Variants in GPI observed in about 807,000 individuals in gnomAD.
GPI encodes glucose-6-phosphate isomerase.
A neutral mutation model predicts 75.8 loss-of-function variants in GPI; 56 were observed. That is an observed-to-expected ratio of 0.74 (90% CI 0.60 to 0.92). The LOEUF (loss-of-function observed/expected upper bound fraction) is 0.92. GPI is among the 40% of genes least tolerant of loss of function. GPI has a pLI of 0.00. For missense variants in GPI, 638 were observed against 741.0 expected, an observed-to-expected ratio of 0.86 and a Z score of 1.61; for synonymous variants, 288 against 285.4, an observed-to-expected ratio of 1.01 and a Z score of -0.09.
At chr19:34,379,990 GTTTT>G (rs953154032) in intron 8 of GPI, 20 of 102,562 alleles carry the variant, frequency 2.0e-4, no homozygotes, top group Middle Eastern at 6.1e-3. Context: ...GTGTGGTTTT[GTTTT>G]TTTTTTTTTT....
chr19:34,393,234 C>T lies in GPI; in HGVS notation c.805-14C>T. ...TGCCGGCCCTCCCTCAGCACCTTGT[C>T]CTGTCTCTCCTAGTGGGTGGGAGGA... On this transcript the variant is annotated splice_polypyrimidine_tract_variant and intron_variant, in intron 9 of 17. Coordinates refer to ENST00000356487, the MANE Select transcript of GPI (RefSeq NM_000175.5). The surrounding 1 kb of genome is among the most constrained non-coding windows in gnomAD (Gnocchi z 4.4). The T allele has an allele frequency of 6.2e-7, 1 of 1,606,902 alleles. No homozygotes were observed. The highest frequency in any genetic ancestry group is 8.5e-7 in the Non-Finnish European group (1 of 1,173,462).
At chr19:34,380,186 G>A (rs1473026095) in intron 8 of GPI, among the ~76,000 whole-genome samples, 2 of 151,848 alleles carry the variant, frequency 1.3e-5, no homozygotes, top group African/African-American at 4.8e-5. Context: ...AGTAGAGACG[G>A]GGTTTCACCA....
intron 5 of GPI, 51 bp downstream of exon 5, chr19:34,377,637 C>G (rs546737805): frequency 1.3e-6 from 2 of 1,581,892 alleles, no homozygotes; most frequent in South Asian, 2.2e-5. Context: ...CACTGTTGGT[C>G]CCACTCAGGT....
In GPI at chr19:34,393,098, A is replaced by T; in HGVS notation, c.805-150A>T. The T allele has an allele frequency of 1.4e-6, 1 of 706,336 alleles. No individual in the cohort carries two copies. Among genetic ancestry groups the T allele is most frequent in the South Asian group, 1.5e-5 (1 of 67,862 alleles). 43.8% of individuals were successfully genotyped at this position (706,336 alleles called of 1,614,324 possible). On this transcript the variant is annotated intron_variant, in intron 9 of 17. Coordinates refer to ENST00000356487, the MANE Select transcript of GPI (RefSeq NM_000175.5). The surrounding 1 kb of genome is among the most constrained non-coding windows in gnomAD (Gnocchi z 4.4). ...CCTGTTGGTCTTCCCATGTGTTGCC[A>T]GCACCTGCCTGCTGCCTTGCTTCCT...
Position 34,368,647 on chromosome 19 carries a change from A to G in GPI, c.347A>G (p.Lys116Arg), listed in dbSNP as rs2074403242. 6.2e-7 allele frequency: 1 copy of G among 1,614,058 alleles called. No individual in the cohort carries two copies. The highest frequency in any genetic ancestry group is 1.3e-5 in the African/African-American group (1 of 74,930). ...RSNTPILVDG[K>R]DVMPEVNKVL... is the part of the protein sequence containing the mutation. Reference sequence around the variant, plus strand: ...AACACACCCATCCTGGTAGACGGCAAGGATGTGATGCCAGAGGTCAACAAG... The same window carrying G: ...AACACACCCATCCTGGTAGACGGCAGGGATGTGATGCCAGAGGTCAACAAG... The change falls in exon 4 of 18, where the codon AAG (lysine) becomes AGG (arginine). Residue 116 changes from lysine to arginine, a missense_variant. By Grantham distance (26) the Lys-to-Arg change is conservative. Transcript: ENST00000356487.
intron 4 of GPI, among the ~76,000 whole-genome samples, chr19:34,373,292 G>A (rs1384368725): frequency 6.6e-6 from 1 of 151,822 alleles, no homozygotes; most frequent in African/African-American, 2.4e-5. Context: ...AGGAGACTGA[G>A]GCAGCAGTAT....
rs145923489 is a variant in GPI, at chr19:34,399,630, C to G, written c.1473C>G (p.Val491=). The G allele has an allele frequency of 2.5e-6, 4 of 1,613,916 alleles. No homozygotes were observed. Among genetic ancestry groups the G allele is most frequent in the Non-Finnish European group, 3.4e-6 (4 of 1,179,964 alleles). ...KLTPFMLGAL[V]AMYEHKIFVQ... ...CACCATTCATGCTTGGAGCCTTGGT[C>G]GGTGAGTGAGTAGGGGAAAGGTCCT... Residue 491 remains valine, a splice_region_variant and synonymous_variant, in exon 16 of 18, where the codon GTC becomes GTG. Coordinates refer to ENST00000356487, the MANE Select transcript of GPI (RefSeq NM_000175.5).
upstream of GPI, chr19:34,359,858 C>G (rs966260858): frequency 6.6e-6 from 1 of 152,308 alleles, no homozygotes; most frequent in African/African-American, 2.4e-5. Context: ...ATCTTTAGAA[C>G]GGGGCTCTTG....
intron 9 of GPI, among the ~76,000 whole-genome samples, chr19:34,391,572 G>T (rs2074835088): frequency 2.6e-4 from 1 of 3,896 alleles, no homozygotes; most frequent in Non-Finnish European, 5.7e-4. Context: ...ATGAGAATCC[G>T]GGTCTGTCCA....
intron 9 of GPI, among the ~76,000 whole-genome samples, chr19:34,385,532 G>C (rs1160161197): frequency 6.6e-6 from 1 of 152,096 alleles, no homozygotes; most frequent in Non-Finnish European, 1.5e-5. Flanking sequence ...TGAAGAACGG[G>C]AGTTAAACAC....
At chr19:34,384,134 A>G (rs1352818468) in intron 9 of GPI, among the ~76,000 whole-genome samples, 2 of 152,138 alleles carry the variant, frequency 1.3e-5, no homozygotes, top group South Asian at 2.1e-4. Context: ...TGAGGGCTGA[A>G]AATCTGTGAT....
At chr19:34,368,011 A>G (rs1247049037) in intron 3 of GPI, among the ~76,000 whole-genome samples, 1 of 152,094 alleles carries the variant, frequency 6.6e-6, no homozygotes, top group African/African-American at 2.4e-5. Flanking sequence ...ACCTCTGTCT[A>G]ATGGGTTCAG....
chr19:34,394,155 G>A (rs1192874802), intron 12 of GPI, 89 bp downstream of exon 12: 5 of 972,252 alleles, frequency 5.1e-6, no homozygotes, highest in Admixed American at 3.7e-5. Context: ...TCCTCCAGGA[G>A]CTCTTTGCCC....
chr19:34,371,611 G>A (rs113936810), intron 4 of GPI, among the ~76,000 whole-genome samples: 9,906 of 151,994 alleles, frequency 0.065, 460 homozygotes, highest in Non-Finnish European at 0.11. Flanking sequence ...AGCACCTTGG[G>A]AGGCCGAGGT....
chr19:34,379,648 G>A (rs953174830), intron 8 of GPI, 86 bp downstream of exon 8: 2 of 1,103,268 alleles, frequency 1.8e-6, no homozygotes, highest in Non-Finnish European at 2.8e-6. Flanking sequence ...GCGGTTCGTA[G>A]GTCTGGTGGA....
chr19:34,370,978 T>C (rs1483315572), intron 4 of GPI, among the ~76,000 whole-genome samples: 2 of 152,220 alleles, frequency 1.3e-5, no homozygotes, highest in Non-Finnish European at 2.9e-5. Flanking sequence ...CTTAGGGTGA[T>C]CAGTCCATGT....
At chr19:34,364,398 T>C (rs2074323857), upstream of GPI, among the ~76,000 whole-genome samples, 2 of 151,552 alleles carry the variant, frequency 1.3e-5, no homozygotes, top group Admixed American at 1.3e-4. Context: ...TTTTTTTTTT[T>C]TGAGATGGAG....
intron 4 of GPI, among the ~76,000 whole-genome samples, chr19:34,371,542 G>GAAGGC: frequency 6.6e-6 from 1 of 152,098 alleles, no homozygotes; most frequent in Non-Finnish European, 1.5e-5. Flanking sequence ...AAGGCTGGGT[G>GAAGGC]TAATTGTAAT....
intron 5 of GPI, 26 bp downstream of exon 5, chr19:34,377,612 G>A (rs763596065): frequency 1.3e-6 from 2 of 1,598,332 alleles, no homozygotes; most frequent in Non-Finnish European, 1.7e-6. Context: ...CCTTGGGGTA[G>A]GGTGGGAGTC....
Sources: gnomAD v4.1 joint callset for allele counts (sites outside exome capture counted in the v4.1 genomes callset) on GRCh38, gnomAD v4.1.1 for gene constraint, Gnocchi (gnomAD v3.1) non-coding constraint, MANE v1.5 for transcripts, NCBI Gene and HGNC (gene_info 2026-07-23, HGNC 2026-07-21) for gene names.